Variants in IRS2 observed in about 807,000 individuals in gnomAD.
IRS2 encodes the protein insulin receptor substrate 2.
Under a neutral mutation model 70.9 loss-of-function variants are expected in IRS2, and 28 were observed. The ratio of observed to expected loss-of-function variants is 0.39; its 90% confidence interval spans 0.29 to 0.54. The LOEUF is 0.54. IRS2 is among the 20% of genes least tolerant of loss of function. The pLI is 0.59. For synonymous variants in IRS2, 1,217 were observed against 981.9 expected (o/e 1.24, Z -4.48); for missense variants, 2,081 against 2,024.1 (o/e 1.03, Z -0.54).
rs41275082 is a variant in IRS2 at position 109,754,962 on chromosome 13, C to T, written c.*1342G>A. 54 of 224,956 alleles carry T rather than the reference C, an allele frequency of 2.4e-4. No homozygotes were observed. Among genetic ancestry groups the T allele is most frequent in the Non-Finnish European group, 4.2e-4 (47 of 112,940 alleles). The allele number at this position is 224,956 out of a possible 1,614,324, so 13.9% of individuals were successfully genotyped here. A position where few individuals can be genotyped will look rare whatever the true frequency, so the allele number is the denominator to read the frequency against. ...CCCCCACGGGAGGAGAGGTCGACAG[C>T]CCTCCAATCAAGTGTCGAGGGAGCA... On this transcript the variant is annotated 3_prime_UTR_variant, in exon 2 of 2. Transcript: ENST00000375856.
chr13:109,785,612 C>T lies in IRS2; in HGVS notation c.442G>A (p.Ala148Thr). ...ALTDLVSEGR[A>T]AAGDAPPAAA... is the part of the protein sequence containing the mutation. ...GCGGGGGGCGCGTCTCCGGCGGCCG[C>T]GCGGCCCTCGCTGACCAGGTCGGTG... is the stretch of plus-strand genomic sequence containing the variant. Residue 148 changes from alanine (A) to threonine (T), a missense_variant, in exon 1 of 2, where the codon GCG becomes ACG. Ala to Thr is a moderately conservative substitution (Grantham distance 58). Around this residue, in one of 4 missense-constraint regions of IRS2, gnomAD observed 320 missense variants for 352.9 expected, o/e 0.91. Transcript: ENST00000375856. The surrounding 1 kb of genome is among the most constrained non-coding windows in gnomAD (Gnocchi z 9.3). 4.3e-6 allele frequency: 6 copies of T among 1,388,158 alleles called. No homozygotes were observed. Among genetic ancestry groups the T allele is most frequent in the South Asian group, 1.6e-5 (1 of 60,722 alleles). 86.0% of individuals were successfully genotyped at this position (1,388,158 alleles called of 1,614,324 possible). A position where few individuals can be genotyped will look rare whatever the true frequency, so the allele number is the denominator to read the frequency against.
intron 1 of IRS2, among the ~76,000 whole-genome samples, chr13:109,772,712 G>A (rs1244772870): frequency 6.4e-5 from 9 of 139,750 alleles, no homozygotes; most frequent in African/African-American, 2.4e-4. Context: ...TTTTTGAGAC[G>A]GAGTCTCGCT....
intron 1 of IRS2, among the ~76,000 whole-genome samples, chr13:109,763,720 T>C (rs1250136872): frequency 6.6e-6 from 1 of 152,242 alleles, no homozygotes; most frequent in Non-Finnish European, 1.5e-5. Context: ...TTTATACGTA[T>C]GGTTTTCTTA....
rs1324895108 is a variant in IRS2, at chr13:109,754,249, T to A, written c.*2055A>T. 2 of 230,424 alleles carry A rather than the reference T, an allele frequency of 8.7e-6. No individual in the cohort carries two copies. Among genetic ancestry groups the A allele is most frequent in the Non-Finnish European group, 1.7e-5 (2 of 116,126 alleles). The allele number at this position is 230,424 out of a possible 1,614,324, so 14.3% of individuals were successfully genotyped here. A position where few individuals can be genotyped will look rare whatever the true frequency, so the allele number is the denominator to read the frequency against. On this transcript the variant is annotated 3_prime_UTR_variant, in exon 2 of 2. Transcript: ENST00000375856. ...CATTCTGTAAACTAAATTAAAAATG[T>A]AAATATTGCATATGCCTTTTTGTGA...
Position 109,782,027 on chromosome 13 carries a change from A to C in IRS2, c.4012+15T>G. ...CCTCCTTCCCGCCAGACGCCAAGGCAAAGGGCCTCCTCACCTTTCACGATG... is the reference window on the plus strand; with the variant it reads ...CCTCCTTCCCGCCAGACGCCAAGGCCAAGGGCCTCCTCACCTTTCACGATG... On this transcript the variant is annotated intron_variant, in intron 1 of 1. Coordinates refer to ENST00000375856, the MANE Select transcript of IRS2 (RefSeq NM_003749.3). 1 of 1,611,740 alleles carries C rather than the reference A, an allele frequency of 6.2e-7. No individual in the cohort carries two copies. The highest frequency in any genetic ancestry group is 8.5e-7 in the Non-Finnish European group (1 of 1,179,630).
chr13:109,784,168 G>T lies in IRS2; in HGVS notation c.1886C>A (p.Pro629Gln). The change falls in exon 1 of 2, where the codon CCA (proline) becomes CAA (glutamine). Residue 629 changes from proline (P) to glutamine (Q), a missense_variant. Physicochemically the swap from Pro to Gln is moderately conservative, Grantham distance 76 (BLOSUM62 -1). Coordinates refer to ENST00000375856, the MANE Select transcript of IRS2 (RefSeq NM_003749.3). This position sits in a 1 kb window ranked among gnomAD's most constrained non-coding sequence, Gnocchi z 5.2. Reference sequence around the variant, plus strand: ...GATCTCGATGTCTCCGTAGTCCTCTGGGTAGGGGTGGTAGGCCACCTTGGG... The same window carrying T: ...GATCTCGATGTCTCCGTAGTCCTCTTGGTAGGGGTGGTAGGCCACCTTGGG... ...SSPKVAYHPY[P>Q]EDYGDIEIGS... The T allele has an allele frequency of 1.9e-6, 3 of 1,583,052 alleles. No homozygotes were observed. Among genetic ancestry groups the T allele is most frequent in the Non-Finnish European group, 2.6e-6 (3 of 1,168,058 alleles).
intron 1 of IRS2, among the ~76,000 whole-genome samples, chr13:109,766,167 A>T (rs71439382): frequency 3.0e-4 from 3 of 9,920 alleles, no homozygotes; most frequent in East Asian, 2.6e-3. Context: ...CCCAGCCTCA[A>T]CCACCCTGAC....
Position 109,784,862 on chromosome 13 carries a change from G to A in IRS2, c.1192C>T (p.Pro398Ser). The A allele has an allele frequency of 1.7e-6, 2 of 1,151,592 alleles. No homozygotes were observed. The highest frequency in any genetic ancestry group is 1.1e-6 in the Non-Finnish European group (1 of 931,346). The allele number at this position is 1,151,592 out of a possible 1,614,324, so 71.3% of individuals were successfully genotyped here. The stretch of plus-strand genomic sequence containing the variant: ...CTCAGGGTGTGCGAGCGGCTCAGGG[G>A]CGCGCGCACCGGCCCGGGGCTCAGG... The part of the protein sequence containing the change: ...SPLSPGPVRA[P>S]LSRSHTLSGG... The change falls in exon 1 of 2, where the codon CCC becomes TCC. Residue 398 changes from proline (P) to serine (S), a missense_variant. Transcript: ENST00000375856. This position sits in a 1 kb window ranked among gnomAD's most constrained non-coding sequence, Gnocchi z 5.2.
chr13:109,764,488 T>C (rs903789744), intron 1 of IRS2, among the ~76,000 whole-genome samples: 1 of 152,208 alleles, frequency 6.6e-6, no homozygotes, highest in Non-Finnish European at 1.5e-5. Flanking sequence ...ATACCAAAAA[T>C]GCGTATGTTC....
At chr13:109,781,304 C>T (rs1877692159) in intron 1 of IRS2, among the ~76,000 whole-genome samples, 1 of 152,190 alleles carries the variant, frequency 6.6e-6, no homozygotes, top group African/African-American at 2.4e-5. Flanking sequence ...CCCAAAGCTA[C>T]AGCATCGGAA....
At chr13:109,775,781 C>G (rs1877559670) in intron 1 of IRS2, among the ~76,000 whole-genome samples, 1 of 151,668 alleles carries the variant, frequency 6.6e-6, no homozygotes. Flanking sequence ...CACACACACA[C>G]ACACACACAC....
Position 109,784,176 on chromosome 13 carries a change from G to A in IRS2, c.1878C>T (p.His626=), listed in dbSNP as rs1877834923. ...TGTCTCCGTAGTCCTCTGGGTAGGG[G>A]TGGTAGGCCACCTTGGGAGAGGACG... is the stretch of plus-strand genomic sequence containing the variant. ...CPASSPKVAY[H]PYPEDYGDIE... Residue 626 remains histidine (H), a synonymous_variant, in exon 1 of 2, where the codon CAC becomes CAT. Coordinates refer to ENST00000375856, the MANE Select transcript of IRS2 (RefSeq NM_003749.3). This position sits in a 1 kb window ranked among gnomAD's most constrained non-coding sequence, Gnocchi z 5.2. 1.3e-6 allele frequency: 2 copies of A among 1,580,842 alleles called. No individual in the cohort carries two copies. Among genetic ancestry groups the A allele is most frequent in the Non-Finnish European group, 1.7e-6 (2 of 1,166,198 alleles).
intron 1 of IRS2, among the ~76,000 whole-genome samples, chr13:109,760,604 CATACGTGGG>C (rs1168093205): frequency 6.6e-6 from 1 of 152,216 alleles, no homozygotes; most frequent in Non-Finnish European, 1.5e-5. Context: ...AGATGACATT[CATACGTGGG>C]ATACAGTCCC....
At chr13:109,766,016 C>A in intron 1 of IRS2, among the ~76,000 whole-genome samples, 1 of 38,358 alleles carries the variant, frequency 2.6e-5, no homozygotes, top group African/African-American at 5.6e-5. Flanking sequence ...ATATCCCAGC[C>A]TCATCCACCC....
Position 109,785,567 on chromosome 13 carries a change from AGGACGCGGC to A in IRS2, c.478_486del (p.Ala160_Ser162del). Reference sequence around the variant, plus strand: ...AGGGCGCCGGGCAGGGAGGCGCTGCAGGACGCGGCGGGCGCGGCGGCGGGGGGCGCGTCT... The same window carrying A: ...AGGGCGCCGGGCAGGGAGGCGCTGCAGGGCGCGGCGGCGGGGGGCGCGTCT... On this transcript the variant is annotated inframe_deletion, in exon 1 of 2. Coordinates refer to ENST00000375856, the MANE Select transcript of IRS2 (RefSeq NM_003749.3). This position sits in a 1 kb window ranked among gnomAD's most constrained non-coding sequence, Gnocchi z 9.3. 1 of 1,326,722 alleles carries A rather than the reference AGGACGCGGC, an allele frequency of 7.5e-7. No homozygotes were observed. Among genetic ancestry groups the A allele is most frequent in the Non-Finnish European group, 9.6e-7 (1 of 1,040,114 alleles). The allele number at this position is 1,326,722 out of a possible 1,614,324, so 82.2% of individuals were successfully genotyped here. A position where few individuals can be genotyped will look rare whatever the true frequency, so the allele number is the denominator to read the frequency against.
rs1037869553 is a variant in IRS2 at position 109,755,105 on chromosome 13, G to A, written c.*1199C>T. On this transcript the variant is annotated 3_prime_UTR_variant, in exon 2 of 2. Coordinates refer to ENST00000375856, the MANE Select transcript of IRS2 (RefSeq NM_003749.3). ...ACATAAAACAAGGGTAGTCTTGTCC[G>A]GAATTTTTTCGACAAGTAACATGTA... 2 of 231,408 alleles carry A rather than the reference G, an allele frequency of 8.6e-6. No homozygotes were observed. The highest frequency in any genetic ancestry group is 1.7e-5 in the Non-Finnish European group (2 of 117,182). The allele number at this position is 231,408 out of a possible 1,614,324, so 14.3% of individuals were successfully genotyped here.
Position 109,784,777 on chromosome 13 carries a change from T to C in IRS2, c.1277A>G (p.Gln426Arg). 1 of 1,257,380 alleles carries C rather than the reference T, an allele frequency of 8.0e-7. No homozygotes were observed. Among genetic ancestry groups the C allele is most frequent in the Non-Finnish European group, 1.0e-6 (1 of 1,000,956 alleles). 77.9% of individuals were successfully genotyped at this position (1,257,380 alleles called of 1,614,324 possible). The change falls in exon 1 of 2, where the codon CAA becomes CGA. Residue 426 changes from glutamine to arginine, a missense_variant. Gln to Arg is a conservative substitution (Grantham distance 43). This residue lies in a region of IRS2 where 1,615 missense variants were observed against 1,459.5 expected (regional missense o/e 1.11). Transcript: ENST00000375856. The surrounding 1 kb of genome is among the most constrained non-coding windows in gnomAD (Gnocchi z 5.2). The part of the protein sequence containing the change: ...VALLPAGGAL[Q>R]HSRSMSMPVA... The stretch of plus-strand genomic sequence containing the variant: ...GGGCATGGACATGGAGCGGCTGTGT[T>C]GCAGCGCGCCCCCTGCCGGCAGCAG...
chr13:109,782,269 G>T lies in IRS2; in HGVS notation c.3785C>A (p.Pro1262His), dbSNP rs1877727538. The T allele has an allele frequency of 6.2e-7, 1 of 1,609,632 alleles. No homozygotes were observed. The highest frequency in any genetic ancestry group is 8.5e-7 in the Non-Finnish European group (1 of 1,178,802). The part of the protein sequence containing the change: ...NYIAIDVREE[P>H]GLPPQPQPPP... Reference sequence around the variant, plus strand: ...CGGCTGCGGCTGGGGTGGCAGCCCGGGCTCCTCCCTCACGTCGATGGCGAT... The same window carrying T: ...CGGCTGCGGCTGGGGTGGCAGCCCGTGCTCCTCCCTCACGTCGATGGCGAT... The change falls in exon 1 of 2, where the codon CCC becomes CAC. Residue 1262 changes from proline (P) to histidine (H), a missense_variant. Pro to His is a moderately conservative substitution (Grantham distance 77). Transcript: ENST00000375856.
intron 1 of IRS2, among the ~76,000 whole-genome samples, chr13:109,769,469 C>T (rs1877405488): frequency 6.6e-6 from 1 of 152,210 alleles, no homozygotes; most frequent in African/African-American, 2.4e-5. Flanking sequence ...ACCGGGCAAC[C>T]TGCTGCCCCA....
Sources: allele counts gnomAD v4.1 joint callset (sites outside exome capture counted in the v4.1 genomes callset), GRCh38; gene constraint gnomAD v4.1.1; regional missense constraint gnomAD v4.1.1; non-coding constraint Gnocchi (gnomAD v3.1); transcripts MANE v1.5; gene names NCBI Gene and HGNC (gene_info 2026-07-23, HGNC 2026-07-21).